The following SRPRA variants were observed in gnomAD, a reference collection of about 807,000 sequenced individuals.
SRPRA encodes the protein SRP receptor subunit alpha.
In SRPRA, 30 loss-of-function variants were observed where a neutral mutation model predicts 61.1. That is an observed-to-expected ratio of 0.49 (90% CI 0.37 to 0.67). The LOEUF is 0.67. Ranked by LOEUF, SRPRA falls within the 30% of genes least tolerant of loss-of-function variation. The pLI, the probability that SRPRA is intolerant of heterozygous loss-of-function variation, is 0.00. For missense variants in SRPRA, 759 were observed against 828.4 expected (o/e 0.92, Z 1.03); for synonymous variants, 324 against 299.7 (o/e 1.08, Z -0.84).
At chr11:126,249,802 G>T in the SRPRA span, among the ~76,000 whole-genome samples, 1 of 151,652 alleles carries the variant, frequency 6.6e-6, no homozygotes, top group Non-Finnish European at 1.5e-5. Flanking sequence ...GTGTCTCAGT[G>T]GCGTTTCCCT....
At chr11:126,258,847 A>G (rs915888900), downstream of SRPRA, among the ~76,000 whole-genome samples, 4 of 151,440 alleles carry the variant, frequency 2.6e-5, no homozygotes, top group East Asian at 3.8e-4. Context: ...CAAAAAATAA[A>G]TATGTCTTTA....
rs1950834167 is a variant in SRPRA, at chr11:126,267,373, T to C, written c.366-38A>G. 2 of 1,606,406 alleles carry C rather than the reference T, an allele frequency of 1.2e-6. No individual in the cohort carries two copies. The highest frequency in any genetic ancestry group is 1.7e-4 in the Middle Eastern group (1 of 6,022). ...GAGAATGGTTTATCTTTCTACCCCA[T>C]GCAGAAGGAAAAATAACGGTCCAGA... On this transcript the variant is annotated intron_variant, in intron 3 of 13. Transcript: ENST00000332118. The surrounding 1 kb of genome is among the most constrained non-coding windows in gnomAD (Gnocchi z 4.2).
At chr11:126,236,549 T>C in the SRPRA span, among the ~76,000 whole-genome samples, 5 of 152,206 alleles carry the variant, frequency 3.3e-5, no homozygotes, top group Non-Finnish European at 7.3e-5. Flanking sequence ...ACCTGAAATT[T>C]CACAGTGATG....
the SRPRA span, among the ~76,000 whole-genome samples, chr11:126,251,973 C>CGTTTT: frequency 0.014 from 2,167 of 151,262 alleles, 29 homozygotes; most frequent in East Asian, 0.021. Context: ...TGTGCCTGGC[C>CGTTTT]GTTTTGTTTT....
the SRPRA span, chr11:126,241,228 G>GTTGTCT: frequency 1.8e-6 from 1 of 569,320 alleles, no homozygotes; most frequent in Non-Finnish European, 3.0e-6. Context: ...ACTCAGGACA[G>GTTGTCT]TTGTCTTAAC....
In SRPRA at chr11:126,267,963, T is replaced by C. The variant is rs765463437; in HGVS notation, c.201+40A>G. The C allele has an allele frequency of 1.6e-5, 25 of 1,591,740 alleles. 1 individual carries two copies. In the South Asian group the frequency reaches 2.3e-4, roughly 15 times the overall value. On this transcript the variant is annotated intron_variant, in intron 2 of 13. Transcript: ENST00000332118. This position sits in a 1 kb window ranked among gnomAD's most constrained non-coding sequence, Gnocchi z 4.2. Reference sequence around the variant, plus strand: ...AGAGTTCTCTTAAAAATCAGGGCTATGTTAACAATGCAATCGTCCCTCTAC... The same window carrying C: ...AGAGTTCTCTTAAAAATCAGGGCTACGTTAACAATGCAATCGTCCCTCTAC...
chr11:126,241,874 C>A, the SRPRA span, among the ~76,000 whole-genome samples: 10 of 151,614 alleles, frequency 6.6e-5, no homozygotes, highest in African/African-American at 2.2e-4. Context: ...AAAAATCAGG[C>A]TTCTAGGGCC....
downstream of SRPRA, chr11:126,262,417 G>A (rs902068562): frequency 1.7e-5 from 8 of 467,014 alleles, no homozygotes; most frequent in Admixed American, 2.3e-4. Flanking sequence ...TGTCCACACA[G>A]CACACCAATG....
the SRPRA span, among the ~76,000 whole-genome samples, chr11:126,239,750 G>C: frequency 6.6e-6 from 1 of 152,144 alleles, no homozygotes; most frequent in African/African-American, 2.4e-5. Context: ...CTGACCTCAA[G>C]TAATCAGCCC....
the SRPRA span, among the ~76,000 whole-genome samples, chr11:126,239,314 T>TA: frequency 6.6e-6 from 1 of 152,074 alleles, no homozygotes; most frequent in Non-Finnish European, 1.5e-5. Flanking sequence ...GTATGTTATA[T>TA]AAAAAAATAC....
rs372889976 is a variant in SRPRA, at chr11:126,264,568, C to T, written c.1526-29G>A. ...GAGAAAGAAAGTAGTCAACTCTGAA[C>T]ACCTGGACTACCACTCATGCTCGTT... On this transcript the variant is annotated intron_variant, in intron 11 of 13. Transcript: ENST00000332118. The surrounding 1 kb of genome is among the most constrained non-coding windows in gnomAD (Gnocchi z 5.0). 6.8e-6 allele frequency: 11 copies of T among 1,609,460 alleles called. No homozygotes were observed. Among genetic ancestry groups the T allele is most frequent in the Admixed American group, 1.7e-5 (1 of 59,852 alleles).
Position 126,265,528 on chromosome 11 carries a change from A to G in SRPRA, c.1139-88T>C, listed in dbSNP as rs1950792231. ...AACACCTTTCTGAGCTAAGGGGACT[A>G]AAACAGTAAATTAGACTCTTGTCCC... On this transcript the variant is annotated intron_variant, in intron 9 of 13. Transcript: ENST00000332118. The surrounding 1 kb of genome is among the most constrained non-coding windows in gnomAD (Gnocchi z 6.3). The G allele has an allele frequency of 1.4e-6, 2 of 1,441,812 alleles. No homozygotes were observed. Among genetic ancestry groups the G allele is most frequent in the Admixed American group, 2.0e-5 (1 of 49,284 alleles). 89.3% of individuals were successfully genotyped at this position (1,441,812 alleles called of 1,614,324 possible).
the SRPRA span, among the ~76,000 whole-genome samples, chr11:126,242,139 A>T: frequency 6.6e-6 from 1 of 152,186 alleles, no homozygotes; most frequent in Non-Finnish European, 1.5e-5. Context: ...CTAAAACTGT[A>T]AAACTCTTAG....
the SRPRA span, among the ~76,000 whole-genome samples, chr11:126,253,397 T>G: frequency 2.0e-5 from 3 of 152,194 alleles, no homozygotes; most frequent in Non-Finnish European, 4.4e-5. This position sits in a 1 kb window ranked among gnomAD's most constrained non-coding sequence, Gnocchi z 5.1. Context: ...GTATGCTGTC[T>G]CCAGTCCTTG....
chr11:126,241,801 C>A, the SRPRA span, among the ~76,000 whole-genome samples: 1 of 152,094 alleles, frequency 6.6e-6, no homozygotes, highest in African/African-American at 2.4e-5. Flanking sequence ...CTGCCCACCT[C>A]AGCCTCACAA....
At chr11:126,245,974 C>T in the SRPRA span, among the ~76,000 whole-genome samples, 1 of 143,110 alleles carries the variant, frequency 7.0e-6, no homozygotes, top group Non-Finnish European at 1.5e-5. Flanking sequence ...CCAGCCTGGG[C>T]AACAGGTACG....
At chr11:126,259,799 C>T (rs554663387), downstream of SRPRA, among the ~76,000 whole-genome samples, 1 of 151,908 alleles carries the variant, frequency 6.6e-6, no homozygotes, top group African/African-American at 2.4e-5. Flanking sequence ...CAGCTCACTG[C>T]AAGCTCTGCC....
At position 126,265,044 on chromosome 11, in the gene SRPRA, C is replaced by T; in HGVS notation, c.1440G>A (p.Lys480=). 2 of 1,614,182 alleles carry T rather than the reference C, an allele frequency of 1.2e-6. No individual in the cohort carries two copies. Residue 480 remains lysine (K), a synonymous_variant, in exon 11 of 14, where the codon AAG becomes AAA. Coordinates refer to ENST00000332118, the MANE Select transcript of SRPRA (RefSeq NM_003139.4). This position sits in a 1 kb window ranked among gnomAD's most constrained non-coding sequence, Gnocchi z 6.3. ...ACTGCACCATGGTGCGGCCACCATG[C>T]TTCTCTGGAGGGTGTAGGGCACTCA... ...RRLSALHPPE[K]HGGRTMVQLF... is the part of the protein sequence containing the mutation.
chr11:126,250,780 C>A, the SRPRA span: 1 of 1,425,926 alleles, frequency 7.0e-7, no homozygotes, highest in Non-Finnish European at 9.7e-7. This position sits in a 1 kb window ranked among gnomAD's most constrained non-coding sequence, Gnocchi z 5.1. Context: ...TGGATTTTAT[C>A]TTCCTCAGAA....
Sources: allele counts gnomAD v4.1 joint callset (sites outside exome capture counted in the v4.1 genomes callset), GRCh38; gene constraint gnomAD v4.1.1; non-coding constraint Gnocchi (gnomAD v3.1); transcripts MANE v1.5; gene names NCBI Gene and HGNC (gene_info 2026-07-23, HGNC 2026-07-21).